OVCH1: variants seen among roughly 807,000 people sequenced by gnomAD.
OVCH1 encodes the protein ovochymase-1.
A neutral mutation model predicts 138.4 loss-of-function variants in OVCH1; 139 were observed. The observed-to-expected ratio is 1.00, with a 90% CI of 0.87 to 1.16. The LOEUF is 1.16. OVCH1 is among the 50% of genes most tolerant of loss of function. The probability of loss-of-function intolerance (pLI) is 0.00; values close to 1 mark genes in which losing one functional copy is unlikely to be tolerated. For synonymous variants in OVCH1, 453 were observed against 467.8 expected (o/e 0.97, Z 0.41); for missense variants, 1,367 against 1,357.9 (o/e 1.01, Z -0.11).
intron 16 of OVCH1, 67 bp downstream of exon 16, chr12:29,471,734 CT>C: frequency 6.8e-7 from 1 of 1,468,330 alleles, no homozygotes. Flanking sequence ...AGTAGTCAGC[CT>C]TGTGTCCTAG....
intron 14 of OVCH1, among the ~76,000 whole-genome samples, chr12:29,474,278 G>T (rs1050862555): frequency 1.3e-5 from 2 of 151,870 alleles, no homozygotes; most frequent in Non-Finnish European, 2.9e-5. Flanking sequence ...AATCTTCCAG[G>T]TTACTCTGGA....
chr12:29,477,348 T>G (rs1276326908), exon 11 of OVCH1: 1 of 1,613,980 alleles, frequency 6.2e-7, no homozygotes, highest in East Asian at 2.2e-5. Context: ...CACCTGCTTC[T>G]GACTTCTGTA....
intron 3 of OVCH1, among the ~76,000 whole-genome samples, chr12:29,415,192 A>C (rs1941016325): frequency 6.6e-6 from 1 of 152,204 alleles, no homozygotes; most frequent in African/African-American, 2.4e-5. Flanking sequence ...GGTGGTGTTA[A>C]GTAGGAAGCA....
chr12:29,431,418 G>A (rs1217021090), intron 27 of OVCH1, among the ~76,000 whole-genome samples: 2 of 151,992 alleles, frequency 1.3e-5, no homozygotes, highest in East Asian at 1.9e-4. Flanking sequence ...AGCCTGAACA[G>A]AGCAAGACCC....
At chr12:29,495,560 C>T (rs991394766) in intron 3 of OVCH1, 103 bp from the exon 4 acceptor site, 2 of 1,017,838 alleles carry the variant, frequency 2.0e-6, no homozygotes, top group South Asian at 1.6e-5. Flanking sequence ...CTTTAAGCAT[C>T]CCTGAGTCTT....
intron 19 of OVCH1, among the ~76,000 whole-genome samples, chr12:29,458,717 A>C (rs1942032937): frequency 1.3e-5 from 2 of 152,188 alleles, no homozygotes; most frequent in Non-Finnish European, 2.9e-5. Flanking sequence ...CAGAATGGGA[A>C]AAATTTCTGC....
At chr12:29,433,920 G>T in intron 26 of OVCH1, 1 of 988,906 alleles carries the variant, frequency 1.0e-6, no homozygotes, top group Non-Finnish European at 1.4e-6. Context: ...GTAAAGCAAA[G>T]CCTGCTGGCT....
intron 3 of OVCH1, among the ~76,000 whole-genome samples, chr12:29,419,247 T>G (rs913445006): frequency 6.6e-6 from 1 of 152,052 alleles, no homozygotes; most frequent in Non-Finnish European, 1.5e-5. Context: ...TGAGAAAAAT[T>G]TTAATGTATA....
intron 25 of OVCH1, chr12:29,439,565 CT>C: frequency 8.6e-7 from 1 of 1,165,176 alleles, no homozygotes; most frequent in Non-Finnish European, 1.1e-6. Context: ...ACTCTCGGTA[CT>C]TTACCTCTCA....
intron 3 of OVCH1, among the ~76,000 whole-genome samples, chr12:29,415,683 T>C (rs2135876771): frequency 6.6e-6 from 1 of 152,308 alleles, no homozygotes; most frequent in East Asian, 1.9e-4. Flanking sequence ...GAGAGACATA[T>C]TGTTCATGGA....
chr12:29,403,108 T>C, the OVCH1 span, among the ~76,000 whole-genome samples: 1 of 152,204 alleles, frequency 6.6e-6, no homozygotes, highest in African/African-American at 2.4e-5. Context: ...GACTTTAATT[T>C]TGAAGAGCAA....
At chr12:29,465,785 T>C (rs1942294842) in intron 16 of OVCH1, among the ~76,000 whole-genome samples, 1 of 151,908 alleles carries the variant, frequency 6.6e-6, no homozygotes, top group African/African-American at 2.4e-5. Context: ...AAAATGAAAA[T>C]AATTAAAGCT....
At position 29,475,199 on chromosome 12, in the gene OVCH1, T is replaced by A; in HGVS notation, c.1472-10A>T. On this transcript the variant is annotated splice_polypyrimidine_tract_variant and intron_variant, in intron 13 of 27. Transcript: ENST00000318184. ...ATTCCACAAAGTTTAGCTGAAAAAA[T>A]TTTAGGAAAGTTTGATTTATAGTTA... is the stretch of plus-strand genomic sequence containing the variant. The A allele has an allele frequency of 7.0e-7, 1 of 1,427,396 alleles. No homozygotes were observed. The highest frequency in any genetic ancestry group is 2.3e-4 in the Middle Eastern group (1 of 4,358). The allele number at this position is 1,427,396 out of a possible 1,614,324, so 88.4% of individuals were successfully genotyped here.
rs757401536 is a variant in OVCH1, at chr12:29,496,282, C to G, written c.184-4G>C. ...GCTCATCTGATTTTAGGGAGACCTACCCAAGAAGAAAGTTACAAATGCAGC... is the reference window on the plus strand; with the variant it reads ...GCTCATCTGATTTTAGGGAGACCTAGCCAAGAAGAAAGTTACAAATGCAGC... On this transcript the variant is annotated splice_region_variant and splice_polypyrimidine_tract_variant and intron_variant, in intron 2 of 27. Transcript: ENST00000318184. 1.3e-6 allele frequency: 2 copies of G among 1,593,960 alleles called. No homozygotes were observed. Among genetic ancestry groups the G allele is most frequent in the East Asian group, 4.5e-5 (2 of 44,458 alleles).
the OVCH1 span, among the ~76,000 whole-genome samples, chr12:29,403,332 A>G: frequency 6.6e-6 from 1 of 152,226 alleles, no homozygotes. Flanking sequence ...GTTTGAATAT[A>G]TATATGTAAA....
At chr12:29,444,088 C>T (rs764515403) in intron 24 of OVCH1, 57 bp downstream of exon 24, 3 of 1,525,180 alleles carry the variant, frequency 2.0e-6, no homozygotes, top group Admixed American at 4.2e-5. Context: ...GTGTTGATGT[C>T]AGTCAAGCAA....
intron 27 of OVCH1, chr12:29,427,701 A>G: frequency 6.5e-7 from 1 of 1,532,790 alleles, no homozygotes; most frequent in Non-Finnish European, 8.8e-7. Context: ...GGTATTTGTT[A>G]TAGCAGCTTG....
intron 22 of OVCH1, among the ~76,000 whole-genome samples, chr12:29,448,263 C>T (rs771879939): frequency 5.3e-5 from 8 of 150,956 alleles, no homozygotes; most frequent in Non-Finnish European, 1.0e-4. Context: ...GCCAGTTGTT[C>T]ACCTCCTGCT....
intron 19 of OVCH1, 54 bp from the exon 20 acceptor site, chr12:29,455,459 C>T (rs1336972585): frequency 6.6e-7 from 1 of 1,523,502 alleles, no homozygotes; most frequent in African/African-American, 1.4e-5. Context: ...GAAGCTCCTG[C>T]TTTCAGTTTT....
Sources: allele counts gnomAD v4.1 joint callset (sites outside exome capture counted in the v4.1 genomes callset), GRCh38; gene constraint gnomAD v4.1.1; transcripts MANE v1.5; gene names NCBI Gene and HGNC (gene_info 2026-07-23, HGNC 2026-07-21).